Variants in MLLT3 observed in about 807,000 individuals in gnomAD.
The protein encoded by MLLT3 is MLLT3 super elongation complex subunit.
MLLT3 carries 4 observed loss-of-function variants against 53.2 expected under a neutral mutation model. The ratio of observed to expected loss-of-function variants is 0.08; its 90% confidence interval spans 0.04 to 0.17. The LOEUF (loss-of-function observed/expected upper bound fraction) is 0.17, where lower values mean the gene tolerates loss of function less well. MLLT3 is among the 10% of genes least tolerant of loss of function. MLLT3 has a pLI of 1.00. For synonymous variants in MLLT3, 283 were observed against 230.6 expected (o/e 1.23, Z -2.06); for missense variants, 569 against 684.0 (o/e 0.83, Z 1.87).
chr9:20,434,154 C>T (rs7044871), intron 4 of MLLT3, among the ~76,000 whole-genome samples: 1,893 of 151,834 alleles, frequency 0.012, 40 homozygotes, highest in African/African-American at 0.043. Context: ...AAGGACATTA[C>T]TGGAACAATC....
intron 2 of MLLT3, among the ~76,000 whole-genome samples, chr9:20,504,949 G>A (rs1825347983): frequency 6.6e-6 from 1 of 152,076 alleles, no homozygotes; most frequent in South Asian, 2.1e-4. Context: ...TGAGAAAAAT[G>A]GTTTGACGGA....
At chr9:20,551,876 G>C (rs1818933942) in intron 2 of MLLT3, among the ~76,000 whole-genome samples, 1 of 152,098 alleles carries the variant, frequency 6.6e-6, no homozygotes, top group African/African-American at 2.4e-5. Flanking sequence ...GTAGACTTTT[G>C]TAACCTCACG....
At chr9:20,554,765 G>T (rs1819011722) in intron 2 of MLLT3, among the ~76,000 whole-genome samples, 1 of 152,130 alleles carries the variant, frequency 6.6e-6, no homozygotes, top group Non-Finnish European at 1.5e-5. Context: ...AAGGCATCTT[G>T]TTTGTTCCGA....
chr9:20,361,906 A>G (rs1373117392), intron 7 of MLLT3, among the ~76,000 whole-genome samples: 1 of 152,230 alleles, frequency 6.6e-6, no homozygotes, highest in Non-Finnish European at 1.5e-5. Flanking sequence ...TTCTAGCTCT[A>G]TAATGTATTC....
intron 2 of MLLT3, among the ~76,000 whole-genome samples, chr9:20,585,371 A>T (rs535576426): frequency 6.6e-6 from 1 of 152,322 alleles, no homozygotes; most frequent in South Asian, 2.1e-4. Flanking sequence ...TAACCTCCAC[A>T]AAGGCTCTAT....
chr9:20,464,322 G>A lies in MLLT3; in HGVS notation c.194-7536C>T, dbSNP rs142311047. Among the ~76,000 whole-genome samples, 8 of 152,040 alleles carry A rather than the reference G, an allele frequency of 5.3e-5. No homozygotes were observed. The East Asian group carries it at 5.8e-4, about 11-fold the overall frequency. ...AATCTTAAGGCTACAAAGATAAGAC[G>A]AGTCCTGCTCAGTCTAACCAGAGAC... On this transcript the variant is annotated intron_variant, in intron 2 of 10. Transcript: ENST00000380338.
chr9:20,513,780 G>A (rs1817827004), intron 2 of MLLT3, among the ~76,000 whole-genome samples: 1 of 152,338 alleles, frequency 6.6e-6, no homozygotes, highest in Non-Finnish European at 1.5e-5. Context: ...GTGTGTCAAG[G>A]ATGACTGAGC....
In MLLT3 at chr9:20,620,937, T is replaced by A; in HGVS notation, c.13-103A>T. On this transcript the variant is annotated intron_variant, in intron 1 of 10. Transcript: ENST00000380338. The surrounding 1 kb of genome is among the most constrained non-coding windows in gnomAD (Gnocchi z 6.1). ...TTTTTCCTCCTTCTTGAAACGCACA[T>A]AAAAGGAAACGGCGGTGCCCTCTGC... The A allele has an allele frequency of 2.9e-5, 37 of 1,278,268 alleles. No homozygotes were observed. Among genetic ancestry groups the A allele is most frequent in the Non-Finnish European group, 3.9e-5 (35 of 898,452 alleles). 79.2% of individuals were successfully genotyped at this position (1,278,268 alleles called of 1,614,324 possible).
intron 2 of MLLT3, among the ~76,000 whole-genome samples, chr9:20,600,840 T>C (rs1820403075): frequency 6.6e-6 from 1 of 152,180 alleles, no homozygotes; most frequent in Non-Finnish European, 1.5e-5. Flanking sequence ...ATGACATAGA[T>C]CACTCTACTT....
chr9:20,575,894 G>A (rs567240271), intron 2 of MLLT3, among the ~76,000 whole-genome samples: 2 of 152,336 alleles, frequency 1.3e-5, no homozygotes, highest in South Asian at 4.1e-4. Flanking sequence ...TAACAAGAAA[G>A]TAAGTCTGTC....
chr9:20,423,059 G>T (rs934905982), intron 4 of MLLT3, among the ~76,000 whole-genome samples: 2 of 152,106 alleles, frequency 1.3e-5, no homozygotes, highest in African/African-American at 2.4e-5. Context: ...CCCCCAGTTA[G>T]TCTGACTTCT....
intron 2 of MLLT3, among the ~76,000 whole-genome samples, chr9:20,527,340 T>G (rs1287901840): frequency 6.6e-6 from 1 of 152,158 alleles, no homozygotes; most frequent in African/African-American, 2.4e-5. Context: ...TTAACATAAT[T>G]TCCTCTCCTA....
intron 4 of MLLT3, among the ~76,000 whole-genome samples, chr9:20,419,380 G>A (rs978948436): frequency 6.6e-6 from 1 of 151,644 alleles, no homozygotes; most frequent in Admixed American, 6.6e-5. Context: ...AATGGATCAA[G>A]GAAACCTAAC....
chr9:20,403,809 A>C (rs1822514663), intron 5 of MLLT3, among the ~76,000 whole-genome samples: 1 of 152,138 alleles, frequency 6.6e-6, no homozygotes, highest in Non-Finnish European at 1.5e-5. Context: ...AGAATTGATC[A>C]GATACTAAAC....
At chr9:20,525,124 A>G (rs1157884653) in intron 2 of MLLT3, among the ~76,000 whole-genome samples, 3 of 145,638 alleles carry the variant, frequency 2.1e-5, no homozygotes, top group African/African-American at 8.1e-5. Flanking sequence ...AAGAAGAAAG[A>G]CTAAAAAAAA....
chr9:20,423,456 C>T (rs1202759736), intron 4 of MLLT3, among the ~76,000 whole-genome samples: 4 of 151,950 alleles, frequency 2.6e-5, no homozygotes, highest in African/African-American at 9.7e-5. Flanking sequence ...TGCAATGGGC[C>T]CCCCTGGCCC....
chr9:20,617,082 G>C (rs1448889972), intron 2 of MLLT3, among the ~76,000 whole-genome samples: 1 of 152,078 alleles, frequency 6.6e-6, no homozygotes, highest in African/African-American at 2.4e-5. Context: ...TGTTCTCACT[G>C]GTCATCTAAA....
At chr9:20,538,897 CTATAA>C (rs529571246) in intron 2 of MLLT3, among the ~76,000 whole-genome samples, 355 of 152,228 alleles carry the variant, frequency 2.3e-3, no homozygotes, top group Non-Finnish European at 3.7e-3. Flanking sequence ...TATGTTTATA[CTATAA>C]TATAATATAC....
At chr9:20,383,882 G>A (rs1419813052) in intron 5 of MLLT3, among the ~76,000 whole-genome samples, 1 of 151,774 alleles carries the variant, frequency 6.6e-6, no homozygotes, top group African/African-American at 2.4e-5. Flanking sequence ...TATACAAACA[G>A]AATAAACAAA....
Sources: gnomAD v4.1 joint callset for allele counts (sites outside exome capture counted in the v4.1 genomes callset) on GRCh38, gnomAD v4.1.1 for gene constraint, Gnocchi (gnomAD v3.1) non-coding constraint, MANE v1.5 for transcripts, NCBI Gene and HGNC (gene_info 2026-07-23, HGNC 2026-07-21) for gene names.